The following COPS7B variants were observed in gnomAD, a reference collection of about 807,000 sequenced individuals.
COPS7B encodes COP9 signalosome complex subunit 7b.
A neutral mutation model predicts 33.4 loss-of-function variants in COPS7B; 9 were observed. The observed-to-expected ratio is 0.27, with a 90% CI of 0.16 to 0.47. The LOEUF (loss-of-function observed/expected upper bound fraction) is 0.47. COPS7B is among the 20% of genes least tolerant of loss of function. The pLI, the probability that COPS7B is intolerant of heterozygous loss-of-function variation, is 0.99. For synonymous variants in COPS7B, 119 were observed against 126.3 expected, an observed-to-expected ratio of 0.94 and a Z score of 0.39; for missense variants, 242 against 318.2, an observed-to-expected ratio of 0.76 and a Z score of 1.82.
chr2:231,786,567 C>T (rs2049249942), intron 1 of COPS7B, 29 bp downstream of exon 1: 1 of 954,218 alleles, frequency 1.0e-6, no homozygotes, highest in Non-Finnish European at 1.2e-6. Context: ...GTGGGCCGAG[C>T]GGGGCCGGCG....
chr2:231,785,467 C>T (rs2049218677), upstream of COPS7B, among the ~76,000 whole-genome samples: 1 of 152,094 alleles, frequency 6.6e-6, no homozygotes, highest in African/African-American at 2.4e-5. Context: ...TTTTTTCTTC[C>T]CCAACCTCTT....
chr2:231,804,314 C>T (rs188977588), intron 6 of COPS7B, among the ~76,000 whole-genome samples: 79 of 150,022 alleles, frequency 5.3e-4, no homozygotes, highest in African/African-American at 1.7e-3. Flanking sequence ...GTGGCGCGAT[C>T]TTGGCTCACT....
chr2:231,787,704 CT>C (rs2049291791), intron 1 of COPS7B, among the ~76,000 whole-genome samples: 1 of 152,008 alleles, frequency 6.6e-6, no homozygotes, highest in Non-Finnish European at 1.5e-5. Flanking sequence ...CGCTACTTTT[CT>C]TTCAAAATGA....
chr2:231,786,358 C>T, upstream of COPS7B: 1 of 829,754 alleles, frequency 1.2e-6, no homozygotes, highest in Non-Finnish European at 1.5e-6. Flanking sequence ...GCGGGTGGAA[C>T]CTTGTGTGGG....
intron 3 of COPS7B, 67 bp downstream of exon 3, chr2:231,791,875 G>T (rs1347753689): frequency 2.8e-6 from 4 of 1,425,490 alleles, no homozygotes; most frequent in East Asian, 2.3e-5. Flanking sequence ...AGACCATCAA[G>T]GTTTGAGATA....
chr2:231,796,013 C>T (rs1197210473), intron 4 of COPS7B, 93 bp from the exon 5 acceptor site: 1 of 1,037,590 alleles, frequency 9.6e-7, no homozygotes, highest in Non-Finnish European at 1.5e-6. Flanking sequence ...TTTCCCGAGC[C>T]TAGAGGCAGC....
At chr2:231,786,819 C>T (rs1158186005) in intron 1 of COPS7B, among the ~76,000 whole-genome samples, 3 of 152,204 alleles carry the variant, frequency 2.0e-5, no homozygotes, top group Non-Finnish European at 2.9e-5. Flanking sequence ...TCCAGTCCAT[C>T]CAAATAGCGC....
chr2:231,781,767 T>G (rs2049137048), upstream of COPS7B: 12 of 1,478,768 alleles, frequency 8.1e-6, no homozygotes, highest in Non-Finnish European at 1.1e-5. Context: ...AGTTGGTCGT[T>G]TCGGAATCCC....
intron 5 of COPS7B, among the ~76,000 whole-genome samples, chr2:231,796,661 C>G (rs903730738): frequency 2.2e-4 from 34 of 152,226 alleles, no homozygotes; most frequent in Admixed American, 1.7e-3. Context: ...TTTGACCAAA[C>G]TCAGGAAGGC....
intron 6 of COPS7B, among the ~76,000 whole-genome samples, chr2:231,804,096 A>G (rs548447805): frequency 1.3e-5 from 2 of 152,348 alleles, no homozygotes; most frequent in African/African-American, 2.4e-5. Flanking sequence ...TAATGACTTT[A>G]TGCTACAAAA....
chr2:231,785,165 T>TC (rs1428720207), upstream of COPS7B, among the ~76,000 whole-genome samples: 4 of 152,190 alleles, frequency 2.6e-5, no homozygotes, highest in Non-Finnish European at 4.4e-5. Context: ...TTTCCCTGCC[T>TC]CCAATTCTCT....
intron 5 of COPS7B, 153 bp downstream of exon 5, chr2:231,796,461 T>A: frequency 1.6e-6 from 1 of 644,728 alleles, no homozygotes. Context: ...GCTACATTTG[T>A]GATCACAGCT....
chr2:231,794,916 C>G (rs900104320), intron 4 of COPS7B, among the ~76,000 whole-genome samples: 2 of 150,978 alleles, frequency 1.3e-5, no homozygotes, highest in Non-Finnish European at 1.5e-5. Context: ...CCCCGCCCGG[C>G]TAATTTTTTT....
intron 1 of COPS7B, among the ~76,000 whole-genome samples, chr2:231,786,755 A>G (rs1006011397): frequency 6.6e-6 from 1 of 151,624 alleles, no homozygotes; most frequent in Non-Finnish European, 1.5e-5. Flanking sequence ...CCTCAGCTTC[A>G]GTGCTGTGGC....
chr2:231,798,488 C>T (rs2049644213), intron 5 of COPS7B, among the ~76,000 whole-genome samples: 1 of 152,090 alleles, frequency 6.6e-6, no homozygotes, highest in South Asian at 2.1e-4. Context: ...AACTCCTGAC[C>T]TGGTGATCCA....
At chr2:231,786,854 C>G (rs2049262709) in intron 1 of COPS7B, among the ~76,000 whole-genome samples, 1 of 152,248 alleles carries the variant, frequency 6.6e-6, no homozygotes. Flanking sequence ...AATTTATCTC[C>G]GCTCTGTGCC....
At chr2:231,795,284 A>G (rs771936000) in intron 4 of COPS7B, among the ~76,000 whole-genome samples, 1 of 151,538 alleles carries the variant, frequency 6.6e-6, no homozygotes, top group Non-Finnish European at 1.5e-5. Flanking sequence ...GCTGGTCTCA[A>G]CCCCCTGACT....
chr2:231,806,124 C>G (rs905737885), intron 6 of COPS7B, among the ~76,000 whole-genome samples: 1 of 152,084 alleles, frequency 6.6e-6, no homozygotes, highest in African/African-American at 2.4e-5. Flanking sequence ...GATGATGGCT[C>G]TCCTCCAGGA....
chr2:231,807,862 A>G lies in COPS7B; in HGVS notation c.*217A>G, dbSNP rs2049941566. On this transcript the variant is annotated 3_prime_UTR_variant, in exon 7 of 7. Coordinates refer to ENST00000350033, the MANE Select transcript of COPS7B (RefSeq NM_022730.4). ...TGTTCCCTTCAGACTCAGGGGCTCC[A>G]CCAATGCCATCCCAAAACAGGGTCA... The G allele has an allele frequency of 6.3e-6, 3 of 479,320 alleles. No individual in the cohort carries two copies. The highest frequency in any genetic ancestry group is 7.4e-6 in the Non-Finnish European group (2 of 270,740). The allele number at this position is 479,320 out of a possible 1,614,324, so 29.7% of individuals were successfully genotyped here.
Sources: allele counts gnomAD v4.1 joint callset (sites outside exome capture counted in the v4.1 genomes callset), GRCh38; gene constraint gnomAD v4.1.1; transcripts MANE v1.5; gene names NCBI Gene and HGNC (gene_info 2026-07-23, HGNC 2026-07-21).